RAD51B: variants seen among roughly 807,000 people sequenced by gnomAD.
RAD51B encodes RAD51 paralog B, also known as DNA repair protein RAD51 homolog 2.
In RAD51B, 38 loss-of-function variants were observed where a neutral mutation model predicts 42.2. That is an observed-to-expected ratio of 0.90 (90% confidence interval 0.70 to 1.18). RAD51B has a LOEUF of 1.18. Ranked by LOEUF, RAD51B falls within the 50% of genes most tolerant of loss-of-function variation. The pLI is 0.00. For missense variants in RAD51B, 373 were observed against 400.7 expected, an observed-to-expected ratio of 0.93 and a Z score of 0.59; for synonymous variants, 154 against 145.2, an observed-to-expected ratio of 1.06 and a Z score of -0.43.
chr14:68,027,640 A>G (rs1035788946), intron 7 of RAD51B, among the ~76,000 whole-genome samples: 3 of 152,016 alleles, frequency 2.0e-5, no homozygotes, highest in Admixed American at 6.5e-5. Flanking sequence ...AATACTTCCA[A>G]TTATTCCAAT....
intron 4 of RAD51B, among the ~76,000 whole-genome samples, chr14:67,837,206 C>G (rs1424985029): frequency 2.6e-5 from 4 of 152,032 alleles, no homozygotes; most frequent in Non-Finnish European, 5.9e-5. Context: ...TTGGAATATA[C>G]TGCCACCAGG....
intron 7 of RAD51B, chr14:68,130,242 C>G (rs1037535444): frequency 1.3e-5 from 2 of 152,238 alleles, no homozygotes; most frequent in African/African-American, 2.4e-5. Flanking sequence ...AGTAGTGTGG[C>G]TGACTCAAGT....
chr14:68,530,181 C>G (rs1019884649), intron 10 of RAD51B, among the ~76,000 whole-genome samples: 1 of 151,912 alleles, frequency 6.6e-6, no homozygotes, highest in African/African-American at 2.4e-5. Flanking sequence ...CAGTGGCTCA[C>G]ACTTGTAACC....
chr14:68,405,092 C>T (rs541952186), intron 8 of RAD51B, among the ~76,000 whole-genome samples: 10 of 152,312 alleles, frequency 6.6e-5, no homozygotes, highest in Middle Eastern at 3.4e-3. Flanking sequence ...CTTAGTTTCT[C>T]ATAGCCTCAT....
At chr14:68,603,785 C>T (rs528265799) in intron 10 of RAD51B, among the ~76,000 whole-genome samples, 13 of 152,368 alleles carry the variant, frequency 8.5e-5, no homozygotes, top group Middle Eastern at 3.4e-3. Context: ...CGCCGCGTCT[C>T]GCCTTGGGCC....
At chr14:68,643,610 C>T (rs145538552) in intron 10 of RAD51B, among the ~76,000 whole-genome samples, 2 of 152,346 alleles carry the variant, frequency 1.3e-5, no homozygotes, top group African/African-American at 4.8e-5. Context: ...AAAATTCCTC[C>T]TCCCTGCTTT....
intron 7 of RAD51B, among the ~76,000 whole-genome samples, chr14:68,253,485 T>C (rs1400125391): frequency 6.6e-6 from 1 of 152,244 alleles, no homozygotes; most frequent in Non-Finnish European, 1.5e-5. Flanking sequence ...CTCATATTTG[T>C]TTCAGTTATT....
chr14:67,823,113 C>G lies in RAD51B; in HGVS notation c.-2-429C>G, dbSNP rs1010237840. Reference sequence around the variant, plus strand: ...TCCATAAATATACCTATTGCCGTTACAGTGCAATGTAAATTGTTACAGTGC... The same window carrying G: ...TCCATAAATATACCTATTGCCGTTAGAGTGCAATGTAAATTGTTACAGTGC... On this transcript the variant is annotated intron_variant, in intron 1 of 10. Coordinates refer to ENST00000471583, the MANE Select transcript of RAD51B (RefSeq NM_133510.4). 5.9e-5 allele frequency among the ~76,000 whole-genome samples: 9 copies of G among 152,276 alleles called. No homozygotes were observed. The South Asian group carries it at 1.0e-3, about 18-fold the overall frequency.
chr14:68,208,339 A>G (rs1472195502), intron 7 of RAD51B, among the ~76,000 whole-genome samples: 2 of 152,188 alleles, frequency 1.3e-5, no homozygotes, highest in Admixed American at 6.5e-5. Context: ...ACTAAAAGCA[A>G]TGACCCAGCC....
At chr14:68,515,765 T>C (rs1274533074) in intron 10 of RAD51B, among the ~76,000 whole-genome samples, 1 of 96,554 alleles carries the variant, frequency 1.0e-5, no homozygotes, top group Admixed American at 1.0e-4. Flanking sequence ...TCTTTCTTTC[T>C]TTCTTTTCTT....
chr14:68,598,390 G>A (rs536428663), downstream of RAD51B, among the ~76,000 whole-genome samples: 6 of 152,326 alleles, frequency 3.9e-5, no homozygotes, highest in East Asian at 1.9e-4. Context: ...AGGAGGAGAT[G>A]TACTCAGGGA....
intron 4 of RAD51B, chr14:67,857,912 C>A (rs552876376): frequency 6.6e-6 from 1 of 152,612 alleles, no homozygotes; most frequent in African/African-American, 2.4e-5. Flanking sequence ...CGGGATCTGG[C>A]CAGCACAGCT....
chr14:67,900,026 A>G (rs922923218), intron 7 of RAD51B, among the ~76,000 whole-genome samples: 1 of 152,206 alleles, frequency 6.6e-6, no homozygotes, highest in African/African-American at 2.4e-5. Context: ...ACTTTTCAAT[A>G]CTTATTGTTT....
intron 10 of RAD51B, among the ~76,000 whole-genome samples, chr14:68,515,502 G>A (rs1251710646): frequency 6.9e-6 from 1 of 143,920 alleles, no homozygotes; most frequent in Non-Finnish European, 1.5e-5. Context: ...AGGCTGGAGT[G>A]CAGTGGTGCA....
At chr14:67,969,527 C>T (rs1199090402) in intron 7 of RAD51B, among the ~76,000 whole-genome samples, 2 of 152,002 alleles carry the variant, frequency 1.3e-5, no homozygotes, top group Admixed American at 1.3e-4. Context: ...TGTAAATTTC[C>T]AAATTAATTC....
At chr14:68,457,955 GAA>G (rs1376755006) in intron 9 of RAD51B, among the ~76,000 whole-genome samples, 6 of 105,924 alleles carry the variant, frequency 5.7e-5, no homozygotes, top group Non-Finnish European at 5.9e-5. Context: ...AAAGTTCACT[GAA>G]AAAAAAAAAA....
chr14:67,847,011 AG>A (rs890491202), intron 4 of RAD51B, among the ~76,000 whole-genome samples: 19 of 152,222 alleles, frequency 1.2e-4, no homozygotes, highest in African/African-American at 4.3e-4. Flanking sequence ...CTGTGGTGAG[AG>A]GGGTTTGTTT....
At chr14:68,061,144 C>T (rs1595342152) in intron 7 of RAD51B, among the ~76,000 whole-genome samples, 1 of 147,964 alleles carries the variant, frequency 6.8e-6, no homozygotes, top group East Asian at 2.1e-4. Flanking sequence ...TCTTGGCTCA[C>T]TGCAACCTCT....
intron 11 of RAD51B, among the ~76,000 whole-genome samples, chr14:68,664,044 G>T (rs1395957958): frequency 6.6e-6 from 1 of 152,202 alleles, no homozygotes; most frequent in East Asian, 1.9e-4. Flanking sequence ...TAAGCTTCAA[G>T]GTTTTCCTGT....
Sources: allele counts gnomAD v4.1 joint callset (sites outside exome capture counted in the v4.1 genomes callset), GRCh38; gene constraint gnomAD v4.1.1; transcripts MANE v1.5; gene names NCBI Gene and HGNC (gene_info 2026-07-23, HGNC 2026-07-21).